SIRT6: variants seen among roughly 807,000 people sequenced by gnomAD.
SIRT6 encodes NAD-dependent protein deacylase sirtuin-6.
In SIRT6, 21 loss-of-function variants were observed where a neutral mutation model predicts 33.6. The observed-to-expected ratio is 0.62, with a 90% CI of 0.44 to 0.90. The LOEUF (loss-of-function observed/expected upper bound fraction) is 0.90. SIRT6 is among the 40% of genes least tolerant of loss of function. SIRT6 has a pLI of 0.00. For missense variants in SIRT6, 504 were observed against 510.6 expected, an observed-to-expected ratio of 0.99 and a Z score of 0.12; for synonymous variants, 221 against 223.9, an observed-to-expected ratio of 0.99 and a Z score of 0.12.
At chr19:4,181,292 C>G (rs1212561672) in intron 1 of SIRT6, among the ~76,000 whole-genome samples, 1 of 152,232 alleles carries the variant, frequency 6.6e-6, no homozygotes, top group African/African-American at 2.4e-5. Flanking sequence ...ATGGCTCCCT[C>G]CCTCACCTCC....
At position 4,175,714 on chromosome 19, in the gene SIRT6, C is replaced by A. The variant is rs201065738; in HGVS notation, c.580G>T (p.Asp194Tyr). 3.2e-6 allele frequency: 5 copies of A among 1,583,998 alleles called. No homozygotes were observed. The highest frequency in any genetic ancestry group is 1.2e-5 in the South Asian group (1 of 86,472). Reference sequence around the variant, plus strand: ...TCATCGGCGAGTGCCAGGTCCCGGTCGGGCAGGGAGTCCTCCCAGTCTAGG... The same window carrying A: ...TCATCGGCGAGTGCCAGGTCCCGGTAGGGCAGGGAGTCCTCCCAGTCTAGG... The part of the protein sequence containing the change: ...TILDWEDSLP[D>Y]RDLALADEAS... The change falls in exon 6 of 8, where the codon GAC becomes TAC. Residue 194 changes from aspartate to tyrosine, a missense_variant. Asp to Tyr is a radical substitution (Grantham distance 160, BLOSUM62 -3). Coordinates refer to ENST00000337491, the MANE Select transcript of SIRT6 (RefSeq NM_016539.4).
chr19:4,175,321 G>A (rs1005905149), intron 6 of SIRT6, 170 bp from the exon 7 acceptor site: 20 of 896,986 alleles, frequency 2.2e-5, no homozygotes, highest in Admixed American at 1.1e-4. Flanking sequence ...TCTGCGGTCC[G>A]TTGGCGGGGT....
In SIRT6 at chr19:4,175,130, C is replaced by A. The variant is rs139762437; in HGVS notation, c.636G>T (p.Thr212=). ...GCCGGATCTGCAGCGATGTACCCAG[C>A]GTGATGGACAGGTCGGCGTTCCTGG... The part of the protein sequence containing the change: ...EASRNADLSI[T]LGTSLQIRPS... The change falls in exon 7 of 8, where the codon ACG becomes ACT. Residue 212 remains threonine, a synonymous_variant. Transcript: ENST00000337491. 3 of 1,601,950 alleles carry A rather than the reference C, an allele frequency of 1.9e-6. No homozygotes were observed. The highest frequency in any genetic ancestry group is 2.6e-6 in the Non-Finnish European group (3 of 1,175,668).
chr19:4,182,306 GT>G, intron 1 of SIRT6, 167 bp downstream of exon 1: 1 of 644,076 alleles, frequency 1.6e-6, no homozygotes, highest in Non-Finnish European at 2.6e-6. Context: ...GCGTGTTGGC[GT>G]CCCCCGGCGC....
At position 4,175,664 on chromosome 19, in the gene SIRT6, G is replaced by A. The variant is rs763607170; in HGVS notation, c.614+16C>T. 6.7e-6 allele frequency: 10 copies of A among 1,500,960 alleles called. No individual in the cohort carries two copies. The highest frequency in any genetic ancestry group is 2.4e-5 in the East Asian group (1 of 41,330). 93.0% of individuals were successfully genotyped at this position (1,500,960 alleles called of 1,614,324 possible). On this transcript the variant is annotated intron_variant, in intron 6 of 7. Coordinates refer to ENST00000337491, the MANE Select transcript of SIRT6 (RefSeq NM_016539.4). ...CCCCGCCCCACCATGGGCTCCCTGG[G>A]GGTGGGGGGTCAGACCTGCTGGCCT... is the stretch of plus-strand genomic sequence containing the variant.
At position 4,177,131 on chromosome 19, in the gene SIRT6, G is replaced by T. The variant is rs931498318; in HGVS notation, c.385C>A (p.Leu129Met). The change falls in exon 4 of 8, where the codon CTG (leucine) becomes ATG (methionine). Residue 129 changes from leucine (L) to methionine (M), a missense_variant. Leu to Met is a conservative substitution (Grantham distance 15, BLOSUM62 2). Coordinates refer to ENST00000337491, the MANE Select transcript of SIRT6 (RefSeq NM_016539.4). ...AACATGTTCCCGTGGAGCTCTGCCA[G>T]TTTGTCCCTGTGGGAAGAGCAGGAA... Reference protein sequence around the residue: ...HVRSGFPRDKLAELHGNMFVE... With the variant: ...HVRSGFPRDKMAELHGNMFVE... 1 of 1,614,016 alleles carries T rather than the reference G, an allele frequency of 6.2e-7. No individual in the cohort carries two copies. Among genetic ancestry groups the T allele is most frequent in the Non-Finnish European group, 8.5e-7 (1 of 1,179,962 alleles).
At chr19:4,175,397 C>T (rs1461803158) in intron 6 of SIRT6, 1 of 642,306 alleles carries the variant, frequency 1.6e-6, no homozygotes. Flanking sequence ...GCTTGGACAC[C>T]TAGGGTGGGA....
intron 2 of SIRT6, among the ~76,000 whole-genome samples, chr19:4,180,207 C>T (rs1326630466): frequency 7.2e-6 from 1 of 139,836 alleles, no homozygotes; most frequent in Non-Finnish European, 1.5e-5. Flanking sequence ...CGGGTTCAAG[C>T]GATTCTCCCA....
At chr19:4,176,059 C>A in intron 4 of SIRT6, 122 bp from the exon 5 acceptor site, 1 of 742,164 alleles carries the variant, frequency 1.3e-6, no homozygotes, top group South Asian at 1.7e-5. Flanking sequence ...AGAACTAGCA[C>A]CCAGCGACAC....
chr19:4,175,955 G>A lies in SIRT6; in HGVS notation c.438-18C>T, dbSNP rs1431714502. 1.9e-6 allele frequency: 3 copies of A among 1,554,272 alleles called. No homozygotes were observed. Among genetic ancestry groups the A allele is most frequent in the Admixed American group, 2.0e-5 (1 of 51,260 alleles). On this transcript the variant is annotated intron_variant, in intron 4 of 7. Transcript: ENST00000337491. Reference sequence around the variant, plus strand: ...CGTACTGCCTGTGTCAGGGAGGAAGGGGGAGGATGGGACCAGGTGAGCTCC... The same window carrying A: ...CGTACTGCCTGTGTCAGGGAGGAAGAGGGAGGATGGGACCAGGTGAGCTCC...
intron 3 of SIRT6, among the ~76,000 whole-genome samples, chr19:4,177,870 G>T (rs540831949): frequency 6.6e-6 from 1 of 151,900 alleles, no homozygotes; most frequent in South Asian, 2.1e-4. Context: ...GATTACAGGC[G>T]TGAGCCACTG....
rs978026827 is a variant in SIRT6, at chr19:4,180,842, G to A, written c.134C>T (p.Ser45Phe). The part of the protein sequence containing the change: ...WELARLVWQS[S>F]SVVFHTGAGI... ...GGCACCCGTGTGGAACACCACACTG[G>A]AAGACTGCCAGACCAGCCTCGCCAG... The change falls in exon 2 of 8, where the codon TCC becomes TTC. Residue 45 changes from serine to phenylalanine, a missense_variant. Ser to Phe is a radical substitution (Grantham distance 155, BLOSUM62 -2). Transcript: ENST00000337491. The A allele has an allele frequency of 6.2e-7, 1 of 1,613,728 alleles. No individual in the cohort carries two copies. Among genetic ancestry groups the A allele is most frequent in the South Asian group, 1.1e-5 (1 of 91,050 alleles).
chr19:4,180,265 T>G (rs919033616), intron 2 of SIRT6, among the ~76,000 whole-genome samples: 7 of 151,958 alleles, frequency 4.6e-5, no homozygotes, highest in African/African-American at 1.7e-4. Flanking sequence ...CCACCACACC[T>G]GGCTACGCTT....
rs753958480 is a variant in SIRT6 at position 4,182,531 on chromosome 19, C to A, written c.9G>T (p.Val3=). Residue 3 remains valine (V), a synonymous_variant, in exon 1 of 8, where the codon GTG becomes GTT. Transcript: ENST00000337491. MS[V]NYAAGLSPYA... ...ACGGCGACAGCCCCGCCGCGTAATT[C>A]ACCGACATCCTCGACTGCCCCACGG... The A allele has an allele frequency of 3.1e-6, 5 of 1,611,154 alleles. No individual in the cohort carries two copies. The South Asian group carries it at 4.4e-5, about 14-fold the overall frequency.
At position 4,174,249 on chromosome 19, in the gene SIRT6, TGGAGGAGGGGTAGGGTGGGCTGTAG is replaced by T. The variant is rs1435155439; in HGVS notation, c.*343_*367del. 5.5e-6 allele frequency: 1 copy of T among 180,618 alleles called. No homozygotes were observed. Among genetic ancestry groups the T allele is most frequent in the Non-Finnish European group, 1.1e-5 (1 of 87,436 alleles). 11.2% of individuals were successfully genotyped at this position (180,618 alleles called of 1,614,324 possible). On this transcript the variant is annotated 3_prime_UTR_variant, in exon 8 of 8. Transcript: ENST00000337491. The surrounding 1 kb of genome is among the most constrained non-coding windows in gnomAD (Gnocchi z 4.2). ...TGGGTCTCCCCTCCTGCAGGGCCCATGGAGGAGGGGTAGGGTGGGCTGTAGGGGGCCCAGAAGGGAGGCCCTGGGG... is the reference window on the plus strand; with the variant it reads ...TGGGTCTCCCCTCCTGCAGGGCCCATGGGGCCCAGAAGGGAGGCCCTGGGG...
chr19:4,176,728 G>A lies in SIRT6; in HGVS notation c.437+351C>T, dbSNP rs1230960873. On this transcript the variant is annotated intron_variant, in intron 4 of 7. Coordinates refer to ENST00000337491, the MANE Select transcript of SIRT6 (RefSeq NM_016539.4). ...GGTTGCAGAGGGGCATGGCCCTGCA[G>A]ACACCTGGATTTTGGACTTCTGGTC... is the stretch of plus-strand genomic sequence containing the variant. 3.3e-5 allele frequency among the ~76,000 whole-genome samples: 5 copies of A among 152,188 alleles called. No individual in the cohort carries two copies. In the East Asian group the frequency reaches 7.7e-4, roughly 23 times the overall value.
At chr19:4,176,031 G>A (rs1057088081) in intron 4 of SIRT6, 94 bp from the exon 5 acceptor site, 3 of 1,134,420 alleles carry the variant, frequency 2.6e-6, no homozygotes, top group African/African-American at 3.1e-5. Flanking sequence ...CAGGGAGGTG[G>A]GGGGTGGACA....
At chr19:4,176,007 G>A in intron 4 of SIRT6, 70 bp from the exon 5 acceptor site, 1 of 1,393,088 alleles carries the variant, frequency 7.2e-7, no homozygotes, top group Non-Finnish European at 9.9e-7. Context: ...ACTGTTTCTA[G>A]GGTGACGTTC....
rs1421558223 is a variant in SIRT6 at position 4,180,893 on chromosome 19, T to TC, written c.82dup (p.Glu28GlyfsTer60). 6.2e-7 allele frequency: 1 copy of TC among 1,611,878 alleles called. No homozygotes were observed. Among genetic ancestry groups the TC allele is most frequent in the Non-Finnish European group, 8.5e-7 (1 of 1,179,122 alleles). ...TTCCCACACCTTCCGCTCCAGCTCC[T>TC]CCGGGGGGTCGAAGATCTGTGGGGG... On this transcript the variant is annotated frameshift_variant, in exon 2 of 8. Coordinates refer to ENST00000337491, the MANE Select transcript of SIRT6 (RefSeq NM_016539.4). LOFTEE classifies it high-confidence loss of function.
Sources: gnomAD v4.1 joint callset for allele counts (sites outside exome capture counted in the v4.1 genomes callset) on GRCh38, gnomAD v4.1.1 for gene constraint, Gnocchi (gnomAD v3.1) non-coding constraint, MANE v1.5 for transcripts, NCBI Gene and HGNC (gene_info 2026-07-23, HGNC 2026-07-21) for gene names.